Variants in FNDC3B observed in about 807,000 individuals in gnomAD.
FNDC3B encodes the protein fibronectin type III domain-containing protein 3B.
Under a neutral mutation model 151.5 loss-of-function variants are expected in FNDC3B, and 12 were observed. That is an observed-to-expected ratio of 0.08 (90% CI 0.05 to 0.13). The LOEUF is 0.13. Among genes scored for constraint, FNDC3B ranks in the 10% least tolerant of loss-of-function variants. The pLI is 1.00. For synonymous variants in FNDC3B, 528 were observed against 549.0 expected (o/e 0.96, Z 0.54); for missense variants, 1,214 against 1,505.3 (o/e 0.81, Z 3.20).
chr3:172,257,335 A>G (rs1728403252), intron 6 of FNDC3B, among the ~76,000 whole-genome samples: 1 of 152,184 alleles, frequency 6.6e-6, no homozygotes, highest in Non-Finnish European at 1.5e-5. Context: ...TACATTTTAA[A>G]AACAGAATGG....
chr3:172,265,206 C>G (rs532319637), intron 6 of FNDC3B, among the ~76,000 whole-genome samples: 1 of 152,238 alleles, frequency 6.6e-6, no homozygotes, highest in East Asian at 1.9e-4. Flanking sequence ...ACTTAATATT[C>G]CACACATCAA....
chr3:172,112,796 GA>G (rs1433505937), intron 2 of FNDC3B, among the ~76,000 whole-genome samples: 1 of 152,180 alleles, frequency 6.6e-6, no homozygotes, highest in African/African-American at 2.4e-5. Context: ...TTGTATTCTT[GA>G]AGTATTGAAA....
intron 17 of FNDC3B, among the ~76,000 whole-genome samples, chr3:172,341,614 TACC>T (rs1429257351): frequency 1.2e-4 from 19 of 152,234 alleles, no homozygotes; most frequent in Non-Finnish European, 1.2e-4. Flanking sequence ...GCACTGCTGT[TACC>T]ACATCTATCA....
chr3:172,070,463 A>G (rs535167567), intron 1 of FNDC3B, among the ~76,000 whole-genome samples: 23 of 152,336 alleles, frequency 1.5e-4, no homozygotes, highest in African/African-American at 5.1e-4. Context: ...ACCAGGTCGC[A>G]TGAAAGGATC....
At chr3:172,370,717 G>A (rs968214543) in intron 23 of FNDC3B, among the ~76,000 whole-genome samples, 4 of 152,134 alleles carry the variant, frequency 2.6e-5, no homozygotes, top group Non-Finnish European at 4.4e-5. Flanking sequence ...TACTCTGACC[G>A]GCAAGCAGAA....
chr3:172,048,112 C>T (rs1237487143), intron 1 of FNDC3B, among the ~76,000 whole-genome samples: 1 of 152,068 alleles, frequency 6.6e-6, no homozygotes, highest in Non-Finnish European at 1.5e-5. Context: ...TAAAAGATTT[C>T]TGGATATTTT....
In FNDC3B at chr3:172,341,236, G is replaced by A. The variant is rs187161599; in HGVS notation, c.1971+5G>A. On this transcript the variant is annotated splice_donor_5th_base_variant and intron_variant, in intron 17 of 25. Coordinates refer to ENST00000415807, the MANE Select transcript of FNDC3B (RefSeq NM_022763.4). ...AGTACCGGCGGACACAGCCAGGTTG[G>A]TTTTGTTTCCATATGAAAGTAAACC... is the stretch of plus-strand genomic sequence containing the variant. 1.0e-5 allele frequency: 16 copies of A among 1,605,762 alleles called. No homozygotes were observed. The Admixed American group carries it at 2.0e-4, about 20-fold the overall frequency.
chr3:172,198,524 A>G (rs1042237969), intron 3 of FNDC3B, among the ~76,000 whole-genome samples: 6 of 152,196 alleles, frequency 3.9e-5, no homozygotes, highest in African/African-American at 7.2e-5. Flanking sequence ...TAAAACTTCT[A>G]CCATTTCTAT....
At chr3:172,183,278 G>T (rs1724007587) in intron 3 of FNDC3B, among the ~76,000 whole-genome samples, 1 of 152,084 alleles carries the variant, frequency 6.6e-6, no homozygotes, top group Admixed American at 6.5e-5. Context: ...TTACCCTTTT[G>T]CTCCCAATTT....
intron 1 of FNDC3B, among the ~76,000 whole-genome samples, chr3:172,061,912 A>G (rs1717220390): frequency 6.6e-6 from 1 of 152,212 alleles, no homozygotes; most frequent in African/African-American, 2.4e-5. Context: ...TTAACCTTTC[A>G]GTTCCACAAA....
chr3:172,342,622 G>A (rs1237253090), intron 17 of FNDC3B, among the ~76,000 whole-genome samples: 2 of 152,130 alleles, frequency 1.3e-5, no homozygotes, highest in East Asian at 3.9e-4. Flanking sequence ...TGAGTGGTTG[G>A]CCATTTATGG....
At chr3:172,371,649 T>C (rs1433819477) in intron 23 of FNDC3B, among the ~76,000 whole-genome samples, 3 of 152,220 alleles carry the variant, frequency 2.0e-5, no homozygotes, top group African/African-American at 4.8e-5. Flanking sequence ...TTTCTCCCCA[T>C]CTTTCTTCTC....
chr3:172,364,293 T>A (rs1005328477), intron 23 of FNDC3B, among the ~76,000 whole-genome samples: 1 of 152,202 alleles, frequency 6.6e-6, no homozygotes, highest in South Asian at 2.1e-4. Context: ...AAAACTAGCA[T>A]TGGGGGAAAT....
chr3:172,335,107 GTT>G (rs57479698), intron 15 of FNDC3B, 25 bp downstream of exon 15: 850 of 1,312,480 alleles, frequency 6.5e-4, no homozygotes, highest in South Asian at 1.7e-3. Flanking sequence ...TGCTGCTACT[GTT>G]TTTTTTTTTT....
intron 3 of FNDC3B, among the ~76,000 whole-genome samples, chr3:172,153,521 T>C (rs2108606031): frequency 6.6e-6 from 1 of 152,192 alleles, no homozygotes; most frequent in East Asian, 1.9e-4. Flanking sequence ...GCCACCTCAG[T>C]GTACTGAGGA....
At chr3:172,223,004 T>A (rs1726365723) in intron 3 of FNDC3B, among the ~76,000 whole-genome samples, 1 of 152,342 alleles carries the variant, frequency 6.6e-6, no homozygotes, top group Middle Eastern at 3.4e-3. Context: ...TTAATTACCA[T>A]TGATTGAATA....
At chr3:172,123,441 T>C (rs1417533464) in intron 2 of FNDC3B, among the ~76,000 whole-genome samples, 1 of 151,998 alleles carries the variant, frequency 6.6e-6, no homozygotes, top group Admixed American at 6.6e-5. Flanking sequence ...GGCTGGAATA[T>C]GGTAAAATGT....
chr3:172,399,834 GA>G lies in FNDC3B; in HGVS notation c.*2361del, dbSNP rs915591669. 6 of 1,444 alleles carry G rather than the reference GA, an allele frequency of 4.2e-3. No homozygotes were observed. The highest frequency in any genetic ancestry group is 0.015 in the African/African-American group (6 of 410). 0.1% of individuals were successfully genotyped at this position (1,444 alleles called of 1,614,324 possible). A position where few individuals can be genotyped will look rare whatever the true frequency, so the allele number is the denominator to read the frequency against. On this transcript the variant is annotated 3_prime_UTR_variant, in exon 26 of 26. Coordinates refer to ENST00000415807, the MANE Select transcript of FNDC3B (RefSeq NM_022763.4). ...CTATAAAGAAATTCTCTAATTGGTT[GA>G]ATTTTTTTTTTAAGTAAATAGTACT...
intron 1 of FNDC3B, among the ~76,000 whole-genome samples, chr3:172,105,616 T>C (rs1368207267): frequency 2.8e-5 from 4 of 142,838 alleles, no homozygotes; most frequent in South Asian, 4.4e-4. Flanking sequence ...ATTATTGTTT[T>C]CTTAAAAAAA....
Sources: allele counts gnomAD v4.1 joint callset (sites outside exome capture counted in the v4.1 genomes callset), GRCh38; gene constraint gnomAD v4.1.1; transcripts MANE v1.5; gene names NCBI Gene and HGNC (gene_info 2026-07-23, HGNC 2026-07-21).